FBXL17: variants seen among roughly 807,000 people sequenced by gnomAD.
The protein encoded by FBXL17 is F-box/LRR-repeat protein 17.
A neutral mutation model predicts 66.2 loss-of-function variants in FBXL17; 22 were observed. The ratio of observed to expected loss-of-function variants is 0.33; its 90% CI spans 0.24 to 0.47. FBXL17 has a LOEUF of 0.47. FBXL17 is among the 20% of genes least tolerant of loss of function. The probability of loss-of-function intolerance (pLI) is 1.00; values close to 1 mark genes in which losing one functional copy is unlikely to be tolerated. For missense variants in FBXL17, 878 were observed against 948.2 expected (o/e 0.93, Z 0.97); for synonymous variants, 474 against 400.5 (o/e 1.18, Z -2.19).
At position 108,380,968 on chromosome 5, in the gene FBXL17, G is replaced by A. The variant is rs910500351; in HGVS notation, c.724C>T (p.Pro242Ser). 1.1e-5 allele frequency: 13 copies of A among 1,219,252 alleles called. No homozygotes were observed. The highest frequency in any genetic ancestry group is 4.7e-5 in the African/African-American group (3 of 63,712). The allele number at this position is 1,219,252 out of a possible 1,614,324, so 75.5% of individuals were successfully genotyped here. A position where few individuals can be genotyped will look rare whatever the true frequency, so the allele number is the denominator to read the frequency against. Residue 242 changes from proline (P) to serine (S), a missense_variant, in exon 1 of 9, where the codon CCC becomes TCC. Coordinates refer to ENST00000542267, the MANE Select transcript of FBXL17 (RefSeq NM_001163315.3). ...PAGGGASPPR[P>S]PDAGCCQAPE... ...GCCTGGCAGCAGCCGGCGTCGGGGG[G>A]CCGGGGCGGCGAAGCGCCTCCCCCC...
chr5:108,190,868 A>G (rs574341518), intron 5 of FBXL17, among the ~76,000 whole-genome samples: 1 of 152,306 alleles, frequency 6.6e-6, no homozygotes, highest in Admixed American at 6.5e-5. Flanking sequence ...AAAAGTTTTT[A>G]TCACTGTTGG....
intron 7 of FBXL17, among the ~76,000 whole-genome samples, chr5:107,898,439 T>A (rs75184312): frequency 0.011 from 1,724 of 152,280 alleles, 40 homozygotes; most frequent in African/African-American, 0.038. Flanking sequence ...ACCTTTATGA[T>A]GATTCATTTC....
At chr5:108,195,838 G>C (rs1753658576) in intron 5 of FBXL17, among the ~76,000 whole-genome samples, 2 of 152,104 alleles carry the variant, frequency 1.3e-5, no homozygotes, top group Admixed American at 1.3e-4. Context: ...GAGAGAAAAA[G>C]AGGAGTCAAG....
At position 108,172,429 on chromosome 5, in the gene FBXL17, G is replaced by A. The variant is rs575543509; in HGVS notation, c.1745+13688C>T. Among the ~76,000 whole-genome samples the A allele has an allele frequency of 3.3e-5, 5 of 152,284 alleles. No individual in the cohort carries two copies. The South Asian group carries it at 1.0e-3, about 32-fold the overall frequency. On this transcript the variant is annotated intron_variant, in intron 6 of 8. Transcript: ENST00000542267. ...ATGGGAGGACAGGCAACGTCATATTGCACAAAAGAGTGCGTATATAAAAAT... is the reference window on the plus strand; with the variant it reads ...ATGGGAGGACAGGCAACGTCATATTACACAAAAGAGTGCGTATATAAAAAT...
At chr5:107,975,461 T>C (rs1752539653) in intron 7 of FBXL17, among the ~76,000 whole-genome samples, 1 of 152,134 alleles carries the variant, frequency 6.6e-6, no homozygotes, top group Non-Finnish European at 1.5e-5. Context: ...CATCAGCTTA[T>C]AATGTATTTC....
At chr5:107,915,317 T>G (rs538881319) in intron 7 of FBXL17, among the ~76,000 whole-genome samples, 2 of 152,166 alleles carry the variant, frequency 1.3e-5, no homozygotes, top group Non-Finnish European at 1.5e-5. Flanking sequence ...ACACTAAAAA[T>G]GGCCTCAGAT....
At position 108,305,050 on chromosome 5, in the gene FBXL17, T is replaced by C. The variant is rs542063013; in HGVS notation, c.1506+43349A>G. On this transcript the variant is annotated intron_variant, in intron 4 of 8. Transcript: ENST00000542267. The stretch of plus-strand genomic sequence containing the variant: ...TTTCTCCATATGAAAAATGAGGATA[T>C]AAGACCTACCTCATAAAGCTGTCAT... Among the ~76,000 whole-genome samples the C allele has an allele frequency of 2.0e-5, 3 of 152,122 alleles. No homozygotes were observed. The South Asian group carries it at 6.2e-4, about 32-fold the overall frequency.
At chr5:108,262,661 C>T (rs1389577030) in intron 4 of FBXL17, among the ~76,000 whole-genome samples, 1 of 151,804 alleles carries the variant, frequency 6.6e-6, no homozygotes, top group African/African-American at 2.4e-5. Flanking sequence ...CAAAATGAGA[C>T]AATATACGAG....
chr5:107,928,639 C>T (rs10037357), intron 7 of FBXL17, among the ~76,000 whole-genome samples: 69,323 of 151,720 alleles, frequency 0.46, 16,225 homozygotes, highest in African/African-American at 0.52. Context: ...TTCAAAAATT[C>T]ATTTTTGGGG....
chr5:108,100,371 C>T (rs1012538745), intron 6 of FBXL17, among the ~76,000 whole-genome samples: 2 of 152,080 alleles, frequency 1.3e-5, no homozygotes, highest in Non-Finnish European at 2.9e-5. Flanking sequence ...TATGCATCAC[C>T]CAGGTCAACA....
intron 8 of FBXL17, 131 bp from the exon 9 acceptor site, chr5:107,861,991 G>T: frequency 1.0e-6 from 1 of 985,040 alleles, no homozygotes; most frequent in Non-Finnish European, 1.4e-6. Context: ...CTAGCGATGT[G>T]AGGAAGGGTT....
chr5:108,336,853 C>T (rs1180259503), intron 4 of FBXL17, among the ~76,000 whole-genome samples: 9 of 152,072 alleles, frequency 5.9e-5, no homozygotes, highest in East Asian at 1.9e-4. Context: ...TTGAATTTTA[C>T]GTCCTAAAAG....
At chr5:107,902,985 T>C (rs568653653) in intron 7 of FBXL17, among the ~76,000 whole-genome samples, 1 of 152,288 alleles carries the variant, frequency 6.6e-6, no homozygotes, top group East Asian at 1.9e-4. Context: ...TTGTGTTTTG[T>C]CTCAGTTAGT....
chr5:108,369,784 A>G (rs867059239), intron 1 of FBXL17, among the ~76,000 whole-genome samples: 3 of 152,286 alleles, frequency 2.0e-5, no homozygotes, highest in Middle Eastern at 3.4e-3. Context: ...GAATTGAACC[A>G]ATTCTAAGAA....
intron 7 of FBXL17, among the ~76,000 whole-genome samples, chr5:107,939,841 A>G (rs1177779959): frequency 6.6e-6 from 1 of 152,080 alleles, no homozygotes; most frequent in Non-Finnish European, 1.5e-5. Flanking sequence ...GGAAGAGAAG[A>G]CCAGGAGGGC....
intron 7 of FBXL17, among the ~76,000 whole-genome samples, chr5:107,888,768 G>A (rs1471156369): frequency 6.6e-6 from 1 of 152,094 alleles, no homozygotes; most frequent in African/African-American, 2.4e-5. Flanking sequence ...CCGCCTTGGG[G>A]CTATTACAGA....
chr5:108,374,302 G>C (rs1406903108), intron 1 of FBXL17, among the ~76,000 whole-genome samples: 1 of 152,126 alleles, frequency 6.6e-6, no homozygotes, highest in Non-Finnish European at 1.5e-5. Flanking sequence ...TACACTACAA[G>C]TCAAGTCTCA....
chr5:108,267,913 T>A (rs1757112272), intron 4 of FBXL17, among the ~76,000 whole-genome samples: 1 of 152,122 alleles, frequency 6.6e-6, no homozygotes, highest in African/African-American at 2.4e-5. Context: ...TTAAATGTAT[T>A]TTCTAAATTT....
chr5:108,219,746 G>T (rs902227003), intron 5 of FBXL17, among the ~76,000 whole-genome samples: 3 of 151,900 alleles, frequency 2.0e-5, no homozygotes, highest in Non-Finnish European at 2.9e-5. Context: ...TTTAATGCCT[G>T]TAGTATCTGT....
Sources: allele counts gnomAD v4.1 joint callset (sites outside exome capture counted in the v4.1 genomes callset), GRCh38; gene constraint gnomAD v4.1.1; transcripts MANE v1.5; gene names NCBI Gene and HGNC (gene_info 2026-07-23, HGNC 2026-07-21).